Variants in FBXL17 observed in about 807,000 individuals in gnomAD.
The protein encoded by FBXL17 is F-box/LRR-repeat protein 17.
FBXL17 carries 22 observed loss-of-function variants against 66.2 expected under a neutral mutation model. The ratio of observed to expected loss-of-function variants is 0.33; its 90% CI spans 0.24 to 0.47. FBXL17 has a LOEUF of 0.47. Among genes scored for constraint, FBXL17 ranks in the 20% least tolerant of loss-of-function variants. FBXL17 has a pLI of 1.00. For synonymous variants in FBXL17, 474 were observed against 400.5 expected (o/e 1.18, Z -2.19); for missense variants, 878 against 948.2 (o/e 0.93, Z 0.97).
At position 108,379,030 on chromosome 5, in the gene FBXL17, A is replaced by C. The variant is rs1486254301; in HGVS notation, c.993+1669T>G. 3.3e-5 allele frequency among the ~76,000 whole-genome samples: 5 copies of C among 152,256 alleles called. No homozygotes were observed. In the East Asian group the frequency reaches 9.6e-4, roughly 29 times the overall value. ...CACACAATAGGGCAAGCCCATGGTAATTCCCATATGTCCTTTAGACAAAGT... is the reference window on the plus strand; with the variant it reads ...CACACAATAGGGCAAGCCCATGGTACTTCCCATATGTCCTTTAGACAAAGT... On this transcript the variant is annotated intron_variant, in intron 1 of 8. Transcript: ENST00000542267.
Position 107,861,797 on chromosome 5 carries a change from G to A in FBXL17, c.2029C>T (p.Leu677=), listed in dbSNP as rs1284797453. 1 of 1,586,392 alleles carries A rather than the reference G, an allele frequency of 6.3e-7. No individual in the cohort carries two copies. The highest frequency in any genetic ancestry group is 1.1e-5 in the South Asian group (1 of 87,272). The change falls in exon 9 of 9, where the codon CTG becomes TTG. Residue 677 remains leucine, a synonymous_variant. Transcript: ENST00000542267. The part of the protein sequence containing the change: ...QYPHITFSTV[L]QDCKRTLERA... Reference sequence around the variant, plus strand: ...TCCAAGGTCCTCTTGCAGTCCTGCAGGACGGTGCTGAAGGTGATGTGGGGG... The same window carrying A: ...TCCAAGGTCCTCTTGCAGTCCTGCAAGACGGTGCTGAAGGTGATGTGGGGG...
intron 5 of FBXL17, among the ~76,000 whole-genome samples, chr5:108,210,612 T>G (rs999555662): frequency 6.6e-6 from 1 of 152,244 alleles, no homozygotes; most frequent in Admixed American, 6.5e-5. Context: ...TCCATGTAGT[T>G]GTGCGGTTTT....
chr5:108,300,164 TAAAAAG>T (rs947111501), intron 4 of FBXL17, among the ~76,000 whole-genome samples: 4 of 151,934 alleles, frequency 2.6e-5, no homozygotes, highest in African/African-American at 9.7e-5. Flanking sequence ...TTTAGAAACT[TAAAAAG>T]TAAAATAATT....
intron 6 of FBXL17, among the ~76,000 whole-genome samples, chr5:108,182,507 T>C (rs148494436): frequency 2.0e-5 from 3 of 152,322 alleles, no homozygotes; most frequent in East Asian, 3.9e-4. Context: ...TAAGTGCAAG[T>C]AGTGTAATTA....
chr5:107,894,552 A>G (rs1011741880), intron 7 of FBXL17, among the ~76,000 whole-genome samples: 1 of 152,118 alleles, frequency 6.6e-6, no homozygotes, highest in Non-Finnish European at 1.5e-5. Flanking sequence ...GGCCGGGGGT[A>G]GGCATGTGTT....
chr5:107,902,918 T>C (rs1749622707), intron 7 of FBXL17, among the ~76,000 whole-genome samples: 2 of 152,114 alleles, frequency 1.3e-5, no homozygotes, highest in Admixed American at 6.6e-5. Flanking sequence ...GTAGTTTGTA[T>C]AATAAAAATC....
intron 7 of FBXL17, among the ~76,000 whole-genome samples, chr5:108,015,276 AT>A (rs1221860223): frequency 6.6e-6 from 1 of 152,198 alleles, no homozygotes; most frequent in Non-Finnish European, 1.5e-5. Context: ...GTTAGAAACA[AT>A]AAAAGTTACC....
At position 108,364,990 on chromosome 5, in the gene FBXL17, A is replaced by G. The variant is rs771850754; in HGVS notation, c.1122T>C (p.Thr374=). Residue 374 remains threonine (T), a synonymous_variant, in exon 3 of 9, where the codon ACT becomes ACC. Coordinates refer to ENST00000542267, the MANE Select transcript of FBXL17 (RefSeq NM_001163315.3). ...QLDLSSRQQV[T]DELLEKIASR... is the part of the protein sequence containing the mutation. ...ATGCAATTTTTTCCAACAATTCATC[A>G]GTGACCTGTAAGAGAAAAAGCAATA... 96 of 1,605,062 alleles carry G rather than the reference A, an allele frequency of 6.0e-5. No homozygotes were observed. The Admixed American group carries it at 1.6e-3, about 27-fold the overall frequency.
intron 7 of FBXL17, among the ~76,000 whole-genome samples, chr5:107,890,799 T>C (rs1453591106): frequency 6.6e-6 from 1 of 152,160 alleles, no homozygotes; most frequent in African/African-American, 2.4e-5. Flanking sequence ...TGTAAAAGTA[T>C]TTTGATAGTG....
At chr5:108,228,787 G>A (rs1755204415) in intron 4 of FBXL17, among the ~76,000 whole-genome samples, 2 of 152,146 alleles carry the variant, frequency 1.3e-5, no homozygotes, top group Non-Finnish European at 2.9e-5. Context: ...GGGGTTTTCA[G>A]TTATAATCTA....
chr5:108,014,380 C>T (rs1234027992), intron 7 of FBXL17, among the ~76,000 whole-genome samples: 1 of 152,018 alleles, frequency 6.6e-6, no homozygotes, highest in Non-Finnish European at 1.5e-5. Flanking sequence ...CACGCAAAAA[C>T]AGGTTCATTT....
chr5:107,947,205 T>C (rs1580233206), intron 7 of FBXL17, among the ~76,000 whole-genome samples: 1 of 152,230 alleles, frequency 6.6e-6, no homozygotes, highest in African/African-American at 2.4e-5. Context: ...GGCATTGCTA[T>C]GGGCAATGGA....
Position 108,164,465 on chromosome 5 carries a change from T to A in FBXL17, c.1745+21652A>T, listed in dbSNP as rs75192809. Among the ~76,000 whole-genome samples the A allele has an allele frequency of 3.9e-3, 594 of 152,346 alleles. 7 individuals are homozygous for A. The highest frequency in any genetic ancestry group is 0.014 in the African/African-American group (577 of 41,588). ...ATTTAACCTAATTATGCAACTTTCATTTACTTAACGTCTTATTTCCTCCAG... is the reference window on the plus strand; with the variant it reads ...ATTTAACCTAATTATGCAACTTTCAATTACTTAACGTCTTATTTCCTCCAG... On this transcript the variant is annotated intron_variant, in intron 6 of 8. Coordinates refer to ENST00000542267, the MANE Select transcript of FBXL17 (RefSeq NM_001163315.3).
intron 4 of FBXL17, among the ~76,000 whole-genome samples, chr5:108,345,223 G>C (rs1444648376): frequency 2.0e-5 from 3 of 151,876 alleles, no homozygotes; most frequent in Admixed American, 6.6e-5. Flanking sequence ...TGTAATCCTA[G>C]CTACTCAGGA....
chr5:108,215,180 C>T (rs1327125556), intron 5 of FBXL17, among the ~76,000 whole-genome samples: 2 of 152,208 alleles, frequency 1.3e-5, no homozygotes, highest in Non-Finnish European at 2.9e-5. Flanking sequence ...CATTCATGTA[C>T]AAGTTTCTCT....
intron 6 of FBXL17, among the ~76,000 whole-genome samples, chr5:108,090,671 A>G (rs905461600): frequency 2.6e-5 from 4 of 152,066 alleles, no homozygotes; most frequent in African/African-American, 7.2e-5. Context: ...TCATATCATG[A>G]TAAGTTATCT....
intron 4 of FBXL17, among the ~76,000 whole-genome samples, chr5:108,328,324 T>A (rs537869619): frequency 1.3e-5 from 2 of 151,898 alleles, no homozygotes; most frequent in East Asian, 3.9e-4. Flanking sequence ...GGGCATTATT[T>A]AAAAAAAATA....
intron 8 of FBXL17, among the ~76,000 whole-genome samples, chr5:107,872,623 G>A (rs1461287694): frequency 6.6e-6 from 1 of 152,146 alleles, no homozygotes; most frequent in African/African-American, 2.4e-5. Context: ...ACTGTGGTAG[G>A]TCCTGGTAAT....
intron 4 of FBXL17, among the ~76,000 whole-genome samples, chr5:108,233,900 T>A (rs1755481061): frequency 6.6e-6 from 1 of 152,122 alleles, no homozygotes; most frequent in Non-Finnish European, 1.5e-5. Flanking sequence ...AGAATGTTGG[T>A]TCTCATAAGC....
Sources: gnomAD v4.1 joint callset for allele counts (sites outside exome capture counted in the v4.1 genomes callset) on GRCh38, gnomAD v4.1.1 for gene constraint, MANE v1.5 for transcripts, NCBI Gene and HGNC (gene_info 2026-07-23, HGNC 2026-07-21) for gene names.